Variants in PLCL2 observed in about 807,000 individuals in gnomAD.
PLCL2 encodes the protein phospholipase C like 2.
Under a neutral mutation model 79.6 loss-of-function variants are expected in PLCL2, and 4 were observed. That is an observed-to-expected ratio of 0.05 (90% CI 0.02 to 0.11). The LOEUF (loss-of-function observed/expected upper bound fraction) is 0.11. Ranked by LOEUF, PLCL2 falls within the 10% of genes least tolerant of loss-of-function variation. PLCL2 has a pLI of 1.00. For missense variants in PLCL2, 895 were observed against 1,291.0 expected, an observed-to-expected ratio of 0.69 and a Z score of 4.70; for synonymous variants, 484 against 457.7, an observed-to-expected ratio of 1.06 and a Z score of -0.73.
Position 16,962,507 on chromosome 3 carries a change from T to C in PLCL2, c.328-47167T>C, listed in dbSNP as rs187276503. ...ATATTAATAATTCAGAGTCAATTGT[T>C]TTTAATAACCTAACTATAAATAATT... On this transcript the variant is annotated intron_variant, in intron 1 of 5. Transcript: ENST00000615277. 2.0e-3 allele frequency among the ~76,000 whole-genome samples: 305 copies of C among 152,266 alleles called. 1 individual carries two copies. The highest frequency in any genetic ancestry group is 5.6e-3 in the African/African-American group (234 of 41,548).
Position 17,009,588 on chromosome 3 carries a change from C to G in PLCL2, c.328-86C>G, listed in dbSNP as rs2064298445. The G allele has an allele frequency of 2.9e-6, 2 of 690,350 alleles. No homozygotes were observed. Among genetic ancestry groups the G allele is most frequent in the Middle Eastern group, 2.7e-4 (1 of 3,714 alleles). 42.8% of individuals were successfully genotyped at this position (690,350 alleles called of 1,614,324 possible). ...GAAATCTTAATAGTATGATTTTTTTCTAGGAAATTAAATTTCTATTCATAA... is the reference window on the plus strand; with the variant it reads ...GAAATCTTAATAGTATGATTTTTTTGTAGGAAATTAAATTTCTATTCATAA... On this transcript the variant is annotated intron_variant, in intron 1 of 5. Coordinates refer to ENST00000615277, the MANE Select transcript of PLCL2 (RefSeq NM_001144382.2). The surrounding 1 kb of genome is among the most constrained non-coding windows in gnomAD (Gnocchi z 4.0).
chr3:16,885,368 TA>T lies in PLCL2; in HGVS notation c.327+3del. The T allele has an allele frequency of 1.6e-6, 1 of 624,046 alleles. No individual in the cohort carries two copies. The highest frequency in any genetic ancestry group is 2.9e-6 in the Non-Finnish European group (1 of 346,860). 38.7% of individuals were successfully genotyped at this position (624,046 alleles called of 1,614,324 possible). On this transcript the variant is annotated splice_donor_region_variant and intron_variant, in intron 1 of 5. Coordinates refer to ENST00000615277, the MANE Select transcript of PLCL2 (RefSeq NM_001144382.2). The stretch of plus-strand genomic sequence containing the variant: ...CCCCGCCGGAGCAGCATCATCAAGG[TA>T]GGTGGGAGAAGGGCGCTCATCGCCC...
chr3:17,037,224 C>T (rs1290590842), intron 3 of PLCL2, among the ~76,000 whole-genome samples: 1 of 152,168 alleles, frequency 6.6e-6, no homozygotes, highest in East Asian at 1.9e-4. Flanking sequence ...CATCCTGAGC[C>T]TGGTGGTGCC....
chr3:16,904,624 A>G (rs1696709930), intron 1 of PLCL2, among the ~76,000 whole-genome samples: 1 of 152,042 alleles, frequency 6.6e-6, no homozygotes, highest in South Asian at 2.1e-4. Flanking sequence ...AACCAAGTGC[A>G]TCTGCTGGCC....
intron 1 of PLCL2, among the ~76,000 whole-genome samples, chr3:16,944,921 G>A (rs528917968): frequency 5.3e-5 from 8 of 151,906 alleles, no homozygotes; most frequent in Non-Finnish European, 8.8e-5. Context: ...CACCACACCC[G>A]GGTAATTTTT....
intron 4 of PLCL2, among the ~76,000 whole-genome samples, chr3:17,064,700 CTAAGT>C (rs2064990662): frequency 1.3e-5 from 2 of 151,926 alleles, no homozygotes; most frequent in African/African-American, 4.8e-5. Flanking sequence ...TCAGTCATTT[CTAAGT>C]TAATAACACA....
At position 17,046,082 on chromosome 3, in the gene PLCL2, C is replaced by T. The variant is rs539415707; in HGVS notation, c.3094+3133C>T. 4.1e-4 allele frequency among the ~76,000 whole-genome samples: 63 copies of T among 151,982 alleles called. 1 individual carries two copies. Among genetic ancestry groups the T allele is most frequent in the Admixed American group, 2.2e-3 (34 of 15,252 alleles). ...TGATATGGGATGCGTGAGTCTGGGC[C>T]GCCATGGGAGTGAGAAGTGATGTGG... On this transcript the variant is annotated intron_variant, in intron 4 of 5. Coordinates refer to ENST00000615277, the MANE Select transcript of PLCL2 (RefSeq NM_001144382.2).
intron 5 of PLCL2, among the ~76,000 whole-genome samples, chr3:17,076,979 A>T (rs1402490837): frequency 6.6e-6 from 1 of 152,116 alleles, no homozygotes; most frequent in Non-Finnish European, 1.5e-5. Flanking sequence ...CTTCTTGAAG[A>T]CATGTCATAT....
At chr3:17,041,070 T>C (rs1038711173) in intron 3 of PLCL2, among the ~76,000 whole-genome samples, 1 of 152,210 alleles carries the variant, frequency 6.6e-6, no homozygotes, top group Non-Finnish European at 1.5e-5. Context: ...TGAAAAAGGT[T>C]ACTGATGACG....
intron 5 of PLCL2, among the ~76,000 whole-genome samples, chr3:17,085,731 G>A (rs1313179242): frequency 6.6e-6 from 1 of 152,050 alleles, no homozygotes; most frequent in Admixed American, 6.6e-5. Flanking sequence ...TTACAGGCGT[G>A]AGCCACCATG....
chr3:17,080,693 C>T (rs908140933), intron 5 of PLCL2, among the ~76,000 whole-genome samples: 8 of 152,142 alleles, frequency 5.3e-5, no homozygotes, highest in African/African-American at 9.7e-5. Flanking sequence ...TCAGGTGATC[C>T]GCCCACCTCG....
intron 1 of PLCL2, among the ~76,000 whole-genome samples, chr3:16,901,733 A>ACCT (rs1356858877): frequency 6.6e-6 from 1 of 152,128 alleles, no homozygotes; most frequent in Non-Finnish European, 1.5e-5. Flanking sequence ...GTTCTAAAAA[A>ACCT]CAAGAAAGGT....
At chr3:16,972,550 T>C (rs1399762330) in intron 1 of PLCL2, among the ~76,000 whole-genome samples, 1 of 152,196 alleles carries the variant, frequency 6.6e-6, no homozygotes, top group African/African-American at 2.4e-5. Context: ...GTTAGTTCCC[T>C]GCCTTGATGA....
intron 3 of PLCL2, among the ~76,000 whole-genome samples, chr3:17,023,023 G>C (rs1280706848): frequency 3.3e-5 from 5 of 152,160 alleles, no homozygotes; most frequent in Admixed American, 3.3e-4. Flanking sequence ...CTTGGAGAGG[G>C]TGTGGTTGCA....
In PLCL2 at chr3:17,009,824, C is replaced by T; in HGVS notation, c.478C>T (p.His160Tyr). The change falls in exon 2 of 6, where the codon CAT becomes TAT. Residue 160 changes from histidine (H) to tyrosine (Y), a missense_variant. Coordinates refer to ENST00000615277, the MANE Select transcript of PLCL2 (RefSeq NM_001144382.2). This position sits in a 1 kb window ranked among gnomAD's most constrained non-coding sequence, Gnocchi z 4.0. ...GGTTCGCTCCAACTCTAGAATTTAT[C>T]ATAGGTACTTTTTACTGGATGCTGA... ...KKVRSNSRIYHRYFLLDADMQ... is the reference protein window; with the variant it reads ...KKVRSNSRIYYRYFLLDADMQ... 6.2e-7 allele frequency: 1 copy of T among 1,613,790 alleles called. No homozygotes were observed. The highest frequency in any genetic ancestry group is 8.5e-7 in the Non-Finnish European group (1 of 1,179,736).
At chr3:16,953,835 G>A (rs186890935) in intron 1 of PLCL2, among the ~76,000 whole-genome samples, 14 of 151,952 alleles carry the variant, frequency 9.2e-5, no homozygotes, top group Admixed American at 2.6e-4. Context: ...ATAGAAATAC[G>A]TTTTAAGAGA....
At chr3:17,082,204 T>C (rs1052740831) in intron 5 of PLCL2, among the ~76,000 whole-genome samples, 1 of 143,716 alleles carries the variant, frequency 7.0e-6, no homozygotes, top group Admixed American at 7.3e-5. Flanking sequence ...AGTGCAATGG[T>C]GTGGTCTCAG....
chr3:17,088,504 A>G (rs747861154), intron 5 of PLCL2, among the ~76,000 whole-genome samples: 3 of 152,192 alleles, frequency 2.0e-5, no homozygotes, highest in Non-Finnish European at 4.4e-5. Context: ...CTGTTAGTGG[A>G]AGGCAGGTTA....
intron 1 of PLCL2, among the ~76,000 whole-genome samples, chr3:16,952,338 A>G (rs1270144927): frequency 7.3e-6 from 1 of 136,856 alleles, no homozygotes; most frequent in African/African-American, 2.7e-5. Context: ...CACGTTCTGC[A>G]CATGTATCCC....
Sources: allele counts gnomAD v4.1 joint callset (sites outside exome capture counted in the v4.1 genomes callset), GRCh38; gene constraint gnomAD v4.1.1; non-coding constraint Gnocchi (gnomAD v3.1); transcripts MANE v1.5; gene names NCBI Gene and HGNC (gene_info 2026-07-23, HGNC 2026-07-21).